STRN4: variants seen among roughly 807,000 people sequenced by gnomAD.
STRN4 encodes striatin 4, also known as striatin-4.
STRN4 carries 27 observed loss-of-function variants against 77.9 expected under a neutral mutation model. The observed-to-expected ratio is 0.35, with a 90% CI of 0.26 to 0.48. The LOEUF is 0.48. Ranked by LOEUF, STRN4 falls within the 20% of genes least tolerant of loss-of-function variation. The pLI is 0.99. For missense variants in STRN4, 798 were observed against 1,049.7 expected (o/e 0.76, Z 3.31); for synonymous variants, 466 against 443.1 (o/e 1.05, Z -0.65).
In STRN4 at chr19:46,725,519, C is replaced by T. The variant is rs368748689; in HGVS notation, c.1378G>A (p.Gly460Ser). The T allele has an allele frequency of 3.1e-6, 5 of 1,614,060 alleles. No homozygotes were observed. The highest frequency in any genetic ancestry group is 1.1e-5 in the South Asian group (1 of 91,092). ...TGCAGGTTCCAGAGCTTGAGCGTGC[C>T]GTCCTCGGAGGCGGTGAGCAGAGCC... ...QSALLTASED[G>S]TLKLWNLQKA... Residue 460 changes from glycine to serine, a missense_variant, in exon 10 of 18, where the codon GGC becomes AGC. Gly to Ser is a moderately conservative substitution (Grantham distance 56, BLOSUM62 0). Around this residue, in one of 2 missense-constraint regions of STRN4, gnomAD observed 287 missense variants for 473.8 expected, o/e 0.61. Coordinates refer to ENST00000263280, the MANE Select transcript of STRN4 (RefSeq NM_013403.3).
Position 46,733,309 on chromosome 19 carries a change from C to G in STRN4, c.540-73G>C. 1 of 1,468,312 alleles carries G rather than the reference C, an allele frequency of 6.8e-7. No homozygotes were observed. The highest frequency in any genetic ancestry group is 9.3e-7 in the Non-Finnish European group (1 of 1,080,368). 91.0% of individuals were successfully genotyped at this position (1,468,312 alleles called of 1,614,324 possible). ...CATGTACCACAGGGGCCAATGCAAA[C>G]CGAGACAACCTCTTAAGGGGCCACT... On this transcript the variant is annotated intron_variant, in intron 4 of 17. Coordinates refer to ENST00000263280, the MANE Select transcript of STRN4 (RefSeq NM_013403.3). The surrounding 1 kb of genome is among the most constrained non-coding windows in gnomAD (Gnocchi z 4.3).
chr19:46,737,960 G>A (rs184341), intron 3 of STRN4, among the ~76,000 whole-genome samples: 107,256 of 151,848 alleles, frequency 0.71, 38,369 homozygotes, highest in African/African-American at 0.79. Flanking sequence ...GGACCCAAGC[G>A]GGACTGGCCC....
intron 16 of STRN4, 93 bp from the exon 17 acceptor site, chr19:46,720,864 CA>C: frequency 7.2e-7 from 1 of 1,384,068 alleles, no homozygotes; most frequent in South Asian, 1.6e-5. Flanking sequence ...CCAAAGGCCT[CA>C]GGGGAAGTGG....
At position 46,733,278 on chromosome 19, in the gene STRN4, C is replaced by A; in HGVS notation, c.540-42G>T. On this transcript the variant is annotated intron_variant, in intron 4 of 17. Coordinates refer to ENST00000263280, the MANE Select transcript of STRN4 (RefSeq NM_013403.3). The surrounding 1 kb of genome is among the most constrained non-coding windows in gnomAD (Gnocchi z 4.3). ...CCACGTGGGTCAGACATCCCCTGGG[C>A]TTCTTCATGTACCACAGGGGCCAAT... 1 of 1,582,076 alleles carries A rather than the reference C, an allele frequency of 6.3e-7. No individual in the cohort carries two copies. The highest frequency in any genetic ancestry group is 8.6e-7 in the Non-Finnish European group (1 of 1,165,312).
Position 46,741,830 on chromosome 19 carries a change from C to G in STRN4, c.283-2942G>C, listed in dbSNP as rs1419158257. ...GTCCCAGCTAGCTGGGAAGAGTCCCCGTTTCGTGCCATCTAGCCCTGCATC... is the reference window on the plus strand; with the variant it reads ...GTCCCAGCTAGCTGGGAAGAGTCCCGGTTTCGTGCCATCTAGCCCTGCATC... On this transcript the variant is annotated intron_variant, in intron 1 of 17. Coordinates refer to ENST00000263280, the MANE Select transcript of STRN4 (RefSeq NM_013403.3). This position sits in a 1 kb window ranked among gnomAD's most constrained non-coding sequence, Gnocchi z 4.9. 1.3e-5 allele frequency among the ~76,000 whole-genome samples: 2 copies of G among 152,236 alleles called. No homozygotes were observed. The highest frequency in any genetic ancestry group is 2.9e-5 in the Non-Finnish European group (2 of 68,048).
At chr19:46,728,351 G>C (rs1456219151) in intron 7 of STRN4, 1 of 591,144 alleles carries the variant, frequency 1.7e-6, no homozygotes, top group Admixed American at 3.0e-5. Context: ...AGGCCAGCCA[G>C]AGCTGGACGC....
At position 46,729,775 on chromosome 19, in the gene STRN4, G is replaced by A. The variant is rs536077237; in HGVS notation, c.879+957C>T. Among the ~76,000 whole-genome samples the A allele has an allele frequency of 4.7e-4, 72 of 152,312 alleles. 1 individual carries two copies. Among genetic ancestry groups the A allele is most frequent in the African/African-American group, 1.7e-3 (71 of 41,568 alleles). ...TGGGGGACAGCCACCATGCAGCTGA[G>A]GGCTTCCTGGGCACCAGCTCATTCT... On this transcript the variant is annotated intron_variant, in intron 6 of 17. Coordinates refer to ENST00000263280, the MANE Select transcript of STRN4 (RefSeq NM_013403.3).
chr19:46,728,007 T>G lies in STRN4; in HGVS notation c.1040A>C (p.Glu347Ala). The G allele has an allele frequency of 1.2e-6, 2 of 1,613,646 alleles. No individual in the cohort carries two copies. Among genetic ancestry groups the G allele is most frequent in the Non-Finnish European group, 1.7e-6 (2 of 1,179,886 alleles). The change falls in exon 8 of 18, where the codon GAA (glutamate) becomes GCA (alanine). Residue 347 changes from glutamate to alanine, a missense_variant and splice_region_variant. Around this residue, in one of 2 missense-constraint regions of STRN4, gnomAD observed 511 missense variants for 575.9 expected, o/e 0.89. Transcript: ENST00000263280. ...CTVDGSPHEL[E>A]SRRVKLQGIL... ...GCCTTGGAGTTTGACCCGACGGCTT[T>G]CTGCAGGGTCGAGGCATAGGGCCGG... is the stretch of plus-strand genomic sequence containing the variant.
At chr19:46,744,599 G>A (rs1162716518) in intron 1 of STRN4, among the ~76,000 whole-genome samples, 8 of 152,118 alleles carry the variant, frequency 5.3e-5, no homozygotes, top group Non-Finnish European at 8.8e-5. Context: ...TGGCCAGGCT[G>A]GCCTCGAACT....
intron 9 of STRN4, 192 bp from the exon 10 acceptor site, chr19:46,725,840 T>TCCCC: frequency 2.9e-6 from 2 of 696,790 alleles, no homozygotes; most frequent in East Asian, 5.5e-5. Context: ...GCCCAACAAG[T>TCCCC]CCCCACACTG....
At position 46,730,771 on chromosome 19, in the gene STRN4, A is replaced by T. The variant is rs763747039; in HGVS notation, c.840T>A (p.Asp280Glu). 11 of 1,612,374 alleles carry T rather than the reference A, an allele frequency of 6.8e-6. No individual in the cohort carries two copies. The South Asian group carries it at 1.1e-4, about 16-fold the overall frequency. The change falls in exon 6 of 18, where the codon GAT (aspartate) becomes GAA (glutamate). Residue 280 changes from aspartate (D) to glutamate (E), a missense_variant. Transcript: ENST00000263280. ...TCTTGTGCTGCACGCTGTCCAGCTC[A>T]TCGTCCTCGTCGCTGTCTTCGTCCT... is the stretch of plus-strand genomic sequence containing the variant. ...NCEDEDSDED[D>E]ELDSVQHKKQ...
chr19:46,740,842 G>A (rs1225407165), intron 1 of STRN4, among the ~76,000 whole-genome samples: 1 of 152,142 alleles, frequency 6.6e-6, no homozygotes, highest in Non-Finnish European at 1.5e-5. Context: ...GGGAGCGAAG[G>A]ACGCTATGGG....
In STRN4 at chr19:46,723,698, C is replaced by T. The variant is rs2054036049; in HGVS notation, c.1595-414G>A. ...CCGAGCAGTCTTTTCAGCCCATGGCCAAGTGCATGGGCTTTGCCTGGTCTC... is the reference window on the plus strand; with the variant it reads ...CCGAGCAGTCTTTTCAGCCCATGGCTAAGTGCATGGGCTTTGCCTGGTCTC... On this transcript the variant is annotated intron_variant, in intron 12 of 17. Coordinates refer to ENST00000263280, the MANE Select transcript of STRN4 (RefSeq NM_013403.3). This position sits in a 1 kb window ranked among gnomAD's most constrained non-coding sequence, Gnocchi z 5.5. 6.6e-6 allele frequency among the ~76,000 whole-genome samples: 1 copy of T among 152,192 alleles called. No homozygotes were observed.
chr19:46,729,617 C>A (rs1023742884), intron 6 of STRN4, among the ~76,000 whole-genome samples: 8 of 152,190 alleles, frequency 5.3e-5, no homozygotes, highest in Admixed American at 4.6e-4. Flanking sequence ...GCTCAGGACT[C>A]CAGAGGAGAG....
chr19:46,727,182 G>T (rs1302468521), intron 9 of STRN4, among the ~76,000 whole-genome samples: 1 of 152,238 alleles, frequency 6.6e-6, no homozygotes, highest in African/African-American at 2.4e-5. Flanking sequence ...AGAGCAGGGG[G>T]TGGCTACAGG....
chr19:46,728,464 T>C, intron 7 of STRN4, 154 bp downstream of exon 7: 2 of 1,062,874 alleles, frequency 1.9e-6, no homozygotes, highest in Non-Finnish European at 2.6e-6. Context: ...GGCCATGACC[T>C]GGGCCTCCTG....
In STRN4 at chr19:46,727,336, AC is replaced by A. The variant is rs2054140846; in HGVS notation, c.1248+115del. The A allele has an allele frequency of 1.1e-5, 9 of 850,342 alleles. No individual in the cohort carries two copies. The South Asian group carries it at 1.5e-4, about 14-fold the overall frequency. 52.7% of individuals were successfully genotyped at this position (850,342 alleles called of 1,614,324 possible). A position where few individuals can be genotyped will look rare whatever the true frequency, so the allele number is the denominator to read the frequency against. On this transcript the variant is annotated intron_variant, in intron 9 of 17. Coordinates refer to ENST00000263280, the MANE Select transcript of STRN4 (RefSeq NM_013403.3). ...AAGTCCCTCCACTGTCTACATCTGC[AC>A]CCCTCTGTGAAACAGGATGAGCAGG...
rs1247097938 is a variant in STRN4, at chr19:46,738,564, G to A, written c.386+221C>T. Among the ~76,000 whole-genome samples the A allele has an allele frequency of 2.0e-5, 3 of 152,188 alleles. No homozygotes were observed. The highest frequency in any genetic ancestry group is 4.4e-5 in the Non-Finnish European group (3 of 68,028). ...AGGTAAGGACTATACGATATTTGGC[G>A]CACAGTGGGCCACTAGCATCGTGAA... On this transcript the variant is annotated intron_variant, in intron 2 of 17. Transcript: ENST00000263280. The surrounding 1 kb of genome is among the most constrained non-coding windows in gnomAD (Gnocchi z 4.5).
chr19:46,733,163 G>T lies in STRN4; in HGVS notation c.613C>A (p.Arg205Ser). The T allele has an allele frequency of 6.2e-7, 1 of 1,611,788 alleles. No individual in the cohort carries two copies. The highest frequency in any genetic ancestry group is 1.1e-5 in the South Asian group (1 of 91,082). ...RSKRVRSLLGRSLELNGAVEP... is the reference protein window; with the variant it reads ...RSKRVRSLLGSSLELNGAVEP... ...ACTGCCCCGTTGAGCTCCAGCGAGC[G>T]GCCCAGCAGGGAACGGACGCGCTTG... Residue 205 changes from arginine (R) to serine (S), a missense_variant, in exon 5 of 18, where the codon CGC becomes AGC. Coordinates refer to ENST00000263280, the MANE Select transcript of STRN4 (RefSeq NM_013403.3). The surrounding 1 kb of genome is among the most constrained non-coding windows in gnomAD (Gnocchi z 4.3).
Sources: allele counts gnomAD v4.1 joint callset (sites outside exome capture counted in the v4.1 genomes callset), GRCh38; gene constraint gnomAD v4.1.1; regional missense constraint gnomAD v4.1.1; non-coding constraint Gnocchi (gnomAD v3.1); transcripts MANE v1.5; gene names NCBI Gene and HGNC (gene_info 2026-07-23, HGNC 2026-07-21).